The following VTI1A variants were observed in gnomAD, a reference collection of about 807,000 sequenced individuals.
VTI1A encodes the protein vesicle transport through interaction with t-SNAREs homolog 1A.
VTI1A carries 22 observed loss-of-function variants against 34.9 expected under a neutral mutation model. The ratio of observed to expected loss-of-function variants is 0.63; its 90% CI spans 0.45 to 0.90. The LOEUF is 0.90. Among genes scored for constraint, VTI1A ranks in the 40% least tolerant of loss-of-function variants. VTI1A has a pLI of 0.00. For missense variants in VTI1A, 268 were observed against 275.6 expected (o/e 0.97, Z 0.20); for synonymous variants, 87 against 97.3 (o/e 0.89, Z 0.62).
At chr10:112,483,330 G>A (rs960998477) in intron 3 of VTI1A, among the ~76,000 whole-genome samples, 5 of 152,130 alleles carry the variant, frequency 3.3e-5, no homozygotes, top group Non-Finnish European at 7.3e-5. Flanking sequence ...CATGCAAATA[G>A]TGAGGAAGAT....
At chr10:112,582,273 T>TG (rs2134402355) in intron 5 of VTI1A, among the ~76,000 whole-genome samples, 1 of 152,292 alleles carries the variant, frequency 6.6e-6, no homozygotes, top group African/African-American at 2.4e-5. Flanking sequence ...CTCGATCCCA[T>TG]GACCTCATGA....
chr10:112,552,854 T>G (rs1851411224), intron 5 of VTI1A, among the ~76,000 whole-genome samples: 1 of 152,232 alleles, frequency 6.6e-6, no homozygotes, highest in South Asian at 2.1e-4. Flanking sequence ...CTCTTCTCTC[T>G]TTTGTTAACT....
At chr10:112,842,693 G>A in the VTI1A span, among the ~76,000 whole-genome samples, 5 of 152,170 alleles carry the variant, frequency 3.3e-5, no homozygotes, top group Admixed American at 2.0e-4. Context: ...TCTGCACTCC[G>A]TGTAGGTGGA....
At chr10:112,537,345 C>G (rs1217859987) in intron 4 of VTI1A, among the ~76,000 whole-genome samples, 7 of 32,226 alleles carry the variant, frequency 2.2e-4, no homozygotes, top group Non-Finnish European at 6.3e-4. Flanking sequence ...ATATCTGTAT[C>G]AGTTTTTATC....
chr10:112,457,009 A>G (rs1847553410), intron 1 of VTI1A, among the ~76,000 whole-genome samples: 1 of 152,222 alleles, frequency 6.6e-6, no homozygotes, highest in Non-Finnish European at 1.5e-5. Flanking sequence ...AGCCAGAATC[A>G]CTTCTGTCGC....
chr10:112,535,258 A>T (rs1397441047), intron 4 of VTI1A, among the ~76,000 whole-genome samples: 1 of 152,212 alleles, frequency 6.6e-6, no homozygotes, highest in Non-Finnish European at 1.5e-5. Flanking sequence ...ACTCTGAAAT[A>T]TTCTTTTAAC....
At chr10:112,822,553 C>T (rs1853672482), downstream of VTI1A, among the ~76,000 whole-genome samples, 1 of 152,196 alleles carries the variant, frequency 6.6e-6, no homozygotes, top group Admixed American at 6.5e-5. Flanking sequence ...AAAAGGGATT[C>T]TTTTCTGCCC....
At chr10:112,850,282 A>G in the VTI1A span, among the ~76,000 whole-genome samples, 1 of 151,728 alleles carries the variant, frequency 6.6e-6, no homozygotes, top group Non-Finnish European at 1.5e-5. Context: ...ACAATTCCCT[A>G]CAACAAAAAG....
At chr10:112,745,757 T>C (rs1850875509) in intron 7 of VTI1A, among the ~76,000 whole-genome samples, 2 of 152,186 alleles carry the variant, frequency 1.3e-5, no homozygotes, top group South Asian at 4.1e-4. Context: ...ACAAAGATAT[T>C]TGGCCAAGTG....
chr10:112,829,981 G>T, the VTI1A span, among the ~76,000 whole-genome samples: 1 of 152,082 alleles, frequency 6.6e-6, no homozygotes, highest in Non-Finnish European at 1.5e-5. Flanking sequence ...CCACTGCTGA[G>T]GGGCAATTAA....
chr10:112,590,420 CA>C (rs1293657635), intron 5 of VTI1A, among the ~76,000 whole-genome samples: 3 of 152,098 alleles, frequency 2.0e-5, no homozygotes, highest in African/African-American at 7.2e-5. Flanking sequence ...AGGCTGGGCA[CA>C]GTGACTTACA....
At chr10:112,827,619 T>C in the VTI1A span, 1 of 152,246 alleles carries the variant, frequency 6.6e-6, no homozygotes, top group African/African-American at 2.4e-5. Flanking sequence ...ATGAGATTTC[T>C]TGGAAATGTG....
intron 7 of VTI1A, among the ~76,000 whole-genome samples, chr10:112,791,075 C>T (rs1039492764): frequency 9.2e-5 from 14 of 152,128 alleles, no homozygotes; most frequent in African/African-American, 2.2e-4. Flanking sequence ...GCCAGGATCC[C>T]GTCTGCATGT....
chr10:112,699,618 G>A (rs951609548), intron 7 of VTI1A, among the ~76,000 whole-genome samples: 2 of 151,994 alleles, frequency 1.3e-5, no homozygotes, highest in African/African-American at 4.8e-5. Flanking sequence ...GGATCATGAG[G>A]TCAGGAGATC....
rs1463814353 is a variant in VTI1A, at chr10:112,545,855, CTGTG to C, written c.427+7533_427+7536del. ...CGCACGCGTGCGCGTGTGTTTGTGG[CTGTG>C]TGTGTGTATTTTGCATATATATGTG... On this transcript the variant is annotated intron_variant, in intron 5 of 7. Coordinates refer to ENST00000393077, the MANE Select transcript of VTI1A (RefSeq NM_145206.4). Among the ~76,000 whole-genome samples, 10 of 151,184 alleles carry C rather than the reference CTGTG, an allele frequency of 6.6e-5. No individual in the cohort carries two copies. In the East Asian group the frequency reaches 9.8e-4, roughly 15 times the overall value.
intron 7 of VTI1A, among the ~76,000 whole-genome samples, chr10:112,811,244 G>A (rs1006194432): frequency 6.6e-6 from 1 of 152,160 alleles, no homozygotes; most frequent in Non-Finnish European, 1.5e-5. Context: ...GTACTCTCTG[G>A]AACAATACAG....
At chr10:112,683,277 C>G (rs1848282492) in intron 7 of VTI1A, among the ~76,000 whole-genome samples, 1 of 152,136 alleles carries the variant, frequency 6.6e-6, no homozygotes, top group African/African-American at 2.4e-5. Flanking sequence ...GGGCTAAGTA[C>G]TAGGGATGAG....
intron 5 of VTI1A, among the ~76,000 whole-genome samples, chr10:112,585,071 T>C (rs565960441): frequency 1.6e-4 from 24 of 152,306 alleles, no homozygotes; most frequent in African/African-American, 5.3e-4. Context: ...GCTTCTTTAA[T>C]TGAGGGTGGA....
chr10:112,736,111 G>GTATGTATATATATATATATATA (rs1554953491), intron 7 of VTI1A, among the ~76,000 whole-genome samples: 1 of 116,198 alleles, frequency 8.6e-6, no homozygotes, highest in Non-Finnish European at 1.7e-5. Context: ...ATGTGTGTGT[G>GTATGTATATATATATATATATA]TATATATATA....
Sources: gnomAD v4.1 joint callset for allele counts (sites outside exome capture counted in the v4.1 genomes callset) on GRCh38, gnomAD v4.1.1 for gene constraint, MANE v1.5 for transcripts, NCBI Gene and HGNC (gene_info 2026-07-23, HGNC 2026-07-21) for gene names.